Variants in SPIN1 observed in about 807,000 individuals in gnomAD.
SPIN1 encodes spindlin 1, also known as spindlin-1.
SPIN1 carries 3 observed loss-of-function variants against 26.0 expected under a neutral mutation model. The observed-to-expected ratio is 0.12, with a 90% CI of 0.05 to 0.30. SPIN1 has a LOEUF of 0.30. Among genes scored for constraint, SPIN1 ranks in the 10% least tolerant of loss-of-function variants. The pLI is 1.00. For synonymous variants in SPIN1, 101 were observed against 116.5 expected, an observed-to-expected ratio of 0.87 and a Z score of 0.86; for missense variants, 126 against 333.4, an observed-to-expected ratio of 0.38 and a Z score of 4.84.
At chr9:88,434,462 T>C (rs921695496) in intron 2 of SPIN1, among the ~76,000 whole-genome samples, 3 of 151,866 alleles carry the variant, frequency 2.0e-5, no homozygotes, top group African/African-American at 7.3e-5. Flanking sequence ...CAAATAGATA[T>C]AATAAAGCTA....
chr9:88,404,878 T>G (rs1377561177), intron 1 of SPIN1, among the ~76,000 whole-genome samples: 1 of 147,480 alleles, frequency 6.8e-6, no homozygotes, highest in East Asian at 2.1e-4. Flanking sequence ...ATCGTGCCAT[T>G]GCACTCCAGC....
chr9:88,390,559 AT>A (rs1826897607), intron 1 of SPIN1, among the ~76,000 whole-genome samples: 2 of 152,118 alleles, frequency 1.3e-5, no homozygotes, highest in African/African-American at 4.8e-5. Flanking sequence ...CCTTTAAAAT[AT>A]TTGCTGAGAT....
chr9:88,446,634 C>T (rs1303181663), intron 2 of SPIN1, among the ~76,000 whole-genome samples: 1 of 152,074 alleles, frequency 6.6e-6, no homozygotes, highest in Non-Finnish European at 1.5e-5. Flanking sequence ...TCTTGAACTC[C>T]TGACCTCATG....
At chr9:88,443,862 G>A (rs1308884480) in intron 2 of SPIN1, among the ~76,000 whole-genome samples, 1 of 152,122 alleles carries the variant, frequency 6.6e-6, no homozygotes, top group South Asian at 2.1e-4. Flanking sequence ...GCTTGTAGAG[G>A]AAAAATTCAG....
intron 2 of SPIN1, among the ~76,000 whole-genome samples, chr9:88,429,626 C>G (rs901620428): frequency 8.5e-5 from 13 of 152,190 alleles, no homozygotes; most frequent in Non-Finnish European, 1.5e-4. Context: ...ATCTACCCCC[C>G]TCCAGGAACC....
At chr9:88,453,834 G>A (rs1040106010) in intron 3 of SPIN1, among the ~76,000 whole-genome samples, 2 of 152,092 alleles carry the variant, frequency 1.3e-5, no homozygotes, top group South Asian at 2.1e-4. Flanking sequence ...GGTATCTTAA[G>A]CACATCGGAG....
At position 88,426,422 on chromosome 9, in the gene SPIN1, G is replaced by C; in HGVS notation, c.-118G>C. ...ACGTATTTTTGCTGAACTCGTAAAA[G>C]AGACACTTGGATGGTGGATTAACCA... is the stretch of plus-strand genomic sequence containing the variant. On this transcript the variant is annotated 5_prime_UTR_variant, in exon 2 of 6. Coordinates refer to ENST00000375859, the MANE Select transcript of SPIN1 (RefSeq NM_006717.3). The C allele has an allele frequency of 1.4e-6, 1 of 724,066 alleles. No homozygotes were observed. Among genetic ancestry groups the C allele is most frequent in the Non-Finnish European group, 2.3e-6 (1 of 430,610 alleles). The allele number at this position is 724,066 out of a possible 1,614,324, so 44.9% of individuals were successfully genotyped here. A position where few individuals can be genotyped will look rare whatever the true frequency, so the allele number is the denominator to read the frequency against.
chr9:88,459,195 C>T (rs537657911), intron 3 of SPIN1, among the ~76,000 whole-genome samples: 7 of 152,194 alleles, frequency 4.6e-5, no homozygotes, highest in Non-Finnish European at 7.4e-5. Context: ...TGATCCTGTA[C>T]GGGGAGTAAC....
intron 1 of SPIN1, among the ~76,000 whole-genome samples, chr9:88,413,823 C>T (rs945888800): frequency 3.3e-5 from 5 of 152,194 alleles, no homozygotes; most frequent in South Asian, 4.2e-4. Flanking sequence ...TGTATGATTT[C>T]GATACAGTTC....
chr9:88,428,872 T>C (rs935985103), intron 2 of SPIN1, among the ~76,000 whole-genome samples: 15 of 152,212 alleles, frequency 9.9e-5, no homozygotes, highest in Non-Finnish European at 1.6e-4. Flanking sequence ...TTTTCTTGCC[T>C]ATTCTCTCTT....
chr9:88,427,274 A>C (rs891584168), intron 2 of SPIN1, among the ~76,000 whole-genome samples: 5 of 152,180 alleles, frequency 3.3e-5, no homozygotes, highest in Non-Finnish European at 5.9e-5. Flanking sequence ...AATTATTAAT[A>C]GTACAAACTT....
At chr9:88,411,778 G>T (rs1827451006) in intron 1 of SPIN1, among the ~76,000 whole-genome samples, 1 of 152,150 alleles carries the variant, frequency 6.6e-6, no homozygotes, top group South Asian at 2.1e-4. Context: ...GCCTTCCAAA[G>T]TGCTGGGATT....
intron 1 of SPIN1, among the ~76,000 whole-genome samples, chr9:88,397,212 TTC>T (rs777850143): frequency 1.8e-4 from 28 of 152,312 alleles, no homozygotes; most frequent in Admixed American, 8.5e-4. Flanking sequence ...TTTTTAAACT[TTC>T]TGTCTTTTTA....
chr9:88,393,445 GTTTTTTTTTTTTTTT>G (rs57244433), intron 1 of SPIN1, among the ~76,000 whole-genome samples: 30 of 88,430 alleles, frequency 3.4e-4, no homozygotes, highest in Non-Finnish European at 5.6e-4. Flanking sequence ...TTGCTTTTGG[GTTTTTTTTTTTTTTT>G]TTTTTTTTTT....
chr9:88,432,198 T>C (rs1827892487), intron 2 of SPIN1, among the ~76,000 whole-genome samples: 1 of 48,256 alleles, frequency 2.1e-5, no homozygotes, highest in South Asian at 6.8e-4. Flanking sequence ...CACCCCCAGT[T>C]TTTTTTTTTT....
At chr9:88,441,495 T>G (rs1307449761) in intron 2 of SPIN1, among the ~76,000 whole-genome samples, 1 of 150,832 alleles carries the variant, frequency 6.6e-6, no homozygotes, top group East Asian at 1.9e-4. Flanking sequence ...CTGTGGCTCA[T>G]GCCTATCATC....
intron 1 of SPIN1, among the ~76,000 whole-genome samples, chr9:88,408,981 TTGTGTGTGTGTG>T (rs148808911): frequency 7.3e-6 from 1 of 136,596 alleles, no homozygotes. Context: ...TTGTGTGTGT[TTGTGTGTGTGTG>T]TGTGTGTGTG....
At chr9:88,426,059 G>C (rs887234021) in intron 1 of SPIN1, among the ~76,000 whole-genome samples, 1 of 152,110 alleles carries the variant, frequency 6.6e-6, no homozygotes, top group African/African-American at 2.4e-5. Context: ...ACCCTTTTCT[G>C]ATTTCTAGCA....
intron 3 of SPIN1, among the ~76,000 whole-genome samples, chr9:88,451,994 C>T (rs925291003): frequency 1.3e-5 from 2 of 152,172 alleles, no homozygotes; most frequent in Non-Finnish European, 2.9e-5. Flanking sequence ...AATAGATTTC[C>T]ATTCCATGCT....
Sources: gnomAD v4.1 joint callset for allele counts (sites outside exome capture counted in the v4.1 genomes callset) on GRCh38, gnomAD v4.1.1 for gene constraint, MANE v1.5 for transcripts, NCBI Gene and HGNC (gene_info 2026-07-23, HGNC 2026-07-21) for gene names.